Variants in SPAST observed in about 807,000 individuals in gnomAD.
SPAST encodes spastic paraplegia 4 (autosomal dominant; spastin).
In SPAST, 30 loss-of-function variants were observed where a neutral mutation model predicts 76.6. The ratio of observed to expected loss-of-function variants is 0.39; its 90% confidence interval spans 0.29 to 0.53. SPAST has a LOEUF of 0.53. Among genes scored for constraint, SPAST ranks in the 20% least tolerant of loss-of-function variants. The pLI, the probability that SPAST is intolerant of heterozygous loss-of-function variation, is 0.68. For synonymous variants in SPAST, 305 were observed against 281.0 expected (o/e 1.09, Z -0.86); for missense variants, 717 against 770.5 (o/e 0.93, Z 0.82).
intron 3 of SPAST, 56 bp downstream of exon 3, chr2:32,089,661 A>G: frequency 1.1e-6 from 1 of 933,842 alleles, no homozygotes; most frequent in South Asian, 1.3e-5. Flanking sequence ...TGTTCAATGA[A>G]ACTTTAATTT....
intron 4 of SPAST, among the ~76,000 whole-genome samples, chr2:32,109,632 T>A (rs1485239299): frequency 6.6e-6 from 1 of 150,616 alleles, no homozygotes; most frequent in African/African-American, 2.4e-5. Flanking sequence ...CTCCTTATGG[T>A]CAAAGAAGAC....
chr2:32,145,275 C>A (rs7592356), intron 15 of SPAST, among the ~76,000 whole-genome samples: 6 of 151,792 alleles, frequency 4.0e-5, no homozygotes. Flanking sequence ...TATTTTATTT[C>A]TTGTAGAGAC....
chr2:32,150,604 A>C (rs926142891), intron 16 of SPAST, among the ~76,000 whole-genome samples: 3 of 151,496 alleles, frequency 2.0e-5, no homozygotes, highest in Non-Finnish European at 2.9e-5. Flanking sequence ...CACTCAGCTA[A>C]ATTTTTAATT....
chr2:32,131,039 T>G (rs1679354180), intron 9 of SPAST, among the ~76,000 whole-genome samples: 2 of 152,226 alleles, frequency 1.3e-5, no homozygotes. Context: ...GTTATGGCAT[T>G]GGACTAAAGT....
chr2:32,115,906 G>T (rs1247236561), intron 6 of SPAST, 71 bp downstream of exon 6: 2 of 1,221,100 alleles, frequency 1.6e-6, no homozygotes, highest in Non-Finnish European at 2.3e-6. Flanking sequence ...AACATGTCAG[G>T]AGTGAAATAG....
chr2:32,084,501 C>T (rs1422268629), intron 1 of SPAST, among the ~76,000 whole-genome samples: 1 of 151,970 alleles, frequency 6.6e-6, no homozygotes, highest in African/African-American at 2.4e-5. Flanking sequence ...AAAGAAACTG[C>T]AGGTATGCAT....
chr2:32,120,857 G>T (rs930105902), intron 7 of SPAST, among the ~76,000 whole-genome samples: 1 of 152,044 alleles, frequency 6.6e-6, no homozygotes. Flanking sequence ...CTGTAGTTTT[G>T]AAAATATCTT....
chr2:32,087,684 C>T (rs878969044), intron 2 of SPAST, 106 bp downstream of exon 2: 48 of 297,436 alleles, frequency 1.6e-4, no homozygotes, highest in South Asian at 5.7e-4. Context: ...TCTTTCTTTT[C>T]TTTTCTTTTC....
At chr2:32,146,602 C>T (rs1010209964) in intron 15 of SPAST, among the ~76,000 whole-genome samples, 4 of 151,718 alleles carry the variant, frequency 2.6e-5, no homozygotes, top group South Asian at 4.2e-4. Context: ...CACGGTGGCT[C>T]ACGCCTGTAA....
intron 4 of SPAST, among the ~76,000 whole-genome samples, chr2:32,109,586 C>T (rs1014798710): frequency 1.2e-4 from 18 of 151,046 alleles, no homozygotes; most frequent in African/African-American, 3.4e-4. Flanking sequence ...TATAATGATT[C>T]CTTTTTTTTT....
intron 1 of SPAST, among the ~76,000 whole-genome samples, chr2:32,072,679 T>C (rs1390673405): frequency 1.3e-5 from 2 of 152,216 alleles, no homozygotes; most frequent in African/African-American, 4.8e-5. Flanking sequence ...TAATTCTATA[T>C]AATTCAATAT....
intron 4 of SPAST, among the ~76,000 whole-genome samples, chr2:32,102,703 C>A (rs898734579): frequency 2.2e-4 from 33 of 152,166 alleles, no homozygotes; most frequent in African/African-American, 7.0e-4. Flanking sequence ...TTGTCAAAGG[C>A]CTTTTCTGCA....
chr2:32,148,038 T>A (rs571235132), intron 16 of SPAST, among the ~76,000 whole-genome samples: 3 of 149,876 alleles, frequency 2.0e-5, no homozygotes, highest in Non-Finnish European at 4.4e-5. Context: ...TCTCAAGCAG[T>A]CCTCTTGTCT....
chr2:32,127,284 G>C, intron 8 of SPAST: 1 of 438,448 alleles, frequency 2.3e-6, no homozygotes, highest in South Asian at 2.3e-5. Context: ...CACCTGTCTA[G>C]GTTTTTTATT....
Position 32,154,387 on chromosome 2 carries a change from G to T in SPAST, c.1742G>T (p.Arg581Leu). 6.2e-7 allele frequency: 1 copy of T among 1,611,318 alleles called. No individual in the cohort carries two copies. The highest frequency in any genetic ancestry group is 1.1e-5 in the South Asian group (1 of 90,978). Residue 581 changes from arginine (R) to leucine (L), a missense_variant, in exon 17 of 17, where the codon CGA (arginine) becomes CTA (leucine). Coordinates refer to ENST00000315285, the MANE Select transcript of SPAST (RefSeq NM_014946.4). ...TTAAAAATCTAGATGAGAAATATTC[G>T]ATTATCTGACTTCACTGAATCCTTG... The part of the protein sequence containing the change: ...NMSASEMRNI[R>L]LSDFTESLKK...
At chr2:32,085,002 C>T (rs187412417) in intron 1 of SPAST, among the ~76,000 whole-genome samples, 47 of 151,492 alleles carry the variant, frequency 3.1e-4, no homozygotes, top group East Asian at 1.9e-3. Context: ...AAATTTTAAG[C>T]CAAATATGAC....
intron 7 of SPAST, among the ~76,000 whole-genome samples, chr2:32,118,914 ATAAG>A (rs1174501193): frequency 6.6e-6 from 1 of 152,224 alleles, no homozygotes; most frequent in Non-Finnish European, 1.5e-5. Flanking sequence ...ATCTAAAATA[ATAAG>A]TAACATGTGA....
intron 1 of SPAST, among the ~76,000 whole-genome samples, chr2:32,077,429 A>G (rs1355000085): frequency 6.6e-6 from 1 of 152,172 alleles, no homozygotes; most frequent in Non-Finnish European, 1.5e-5. Context: ...TATAATAAAG[A>G]TACTAAAAGT....
At chr2:32,128,588 T>A in intron 9 of SPAST, 109 bp downstream of exon 9, 1 of 741,582 alleles carries the variant, frequency 1.3e-6, no homozygotes, top group Non-Finnish European at 2.4e-6. Context: ...GGAGCTTATC[T>A]ATTGTATCTA....
Sources: gnomAD v4.1 joint callset for allele counts (sites outside exome capture counted in the v4.1 genomes callset) on GRCh38, gnomAD v4.1.1 for gene constraint, MANE v1.5 for transcripts, NCBI Gene and HGNC (gene_info 2026-07-23, HGNC 2026-07-21) for gene names.